The following MATN4 variants were observed in gnomAD, a reference collection of about 807,000 sequenced individuals.
MATN4 encodes the protein matrilin-4.
Under a neutral mutation model 54.6 loss-of-function variants are expected in MATN4, and 40 were observed. That is an observed-to-expected ratio of 0.73 (90% CI 0.57 to 0.95). MATN4 has a LOEUF of 0.95. MATN4 is among the 40% of genes least tolerant of loss of function. The pLI is 0.00. For missense variants in MATN4, 810 were observed against 819.1 expected, an observed-to-expected ratio of 0.99 and a Z score of 0.13; for synonymous variants, 351 against 345.3, an observed-to-expected ratio of 1.02 and a Z score of -0.18.
At position 45,302,838 on chromosome 20, in the gene MATN4, T is replaced by G. The variant is rs555845136; in HGVS notation, c.643+1390A>C. ...TGGCTCACGCCTGTAATCCCAGCGC[T>G]TTGGGAGGCCAAGGCGGGCAGATCA... On this transcript the variant is annotated intron_variant, in intron 3 of 9. Coordinates refer to ENST00000372756, the MANE Select transcript of MATN4 (RefSeq NM_001393530.1). 3.9e-5 allele frequency among the ~76,000 whole-genome samples: 6 copies of G among 152,130 alleles called. No homozygotes were observed. The East Asian group carries it at 5.8e-4, about 15-fold the overall frequency.
chr20:45,307,831 G>A (rs1221315994), intron 1 of MATN4, among the ~76,000 whole-genome samples: 1 of 152,144 alleles, frequency 6.6e-6, no homozygotes, highest in African/African-American at 2.4e-5. Context: ...TTCCTCTGAG[G>A]AGTTAATCCT....
intron 3 of MATN4, among the ~76,000 whole-genome samples, chr20:45,302,785 G>T (rs1199754060): frequency 6.6e-6 from 1 of 150,940 alleles, no homozygotes; most frequent in Non-Finnish European, 1.5e-5. Context: ...GGATGTGCCT[G>T]TAAGAAGACA....
chr20:45,305,479 T>G lies in MATN4; in HGVS notation c.73+31A>C, dbSNP rs369353159. The G allele has an allele frequency of 2.3e-4, 360 of 1,534,266 alleles. 4 individuals are homozygous for G. In the African/African-American group the frequency reaches 4.5e-3, roughly 19 times the overall value. The stretch of plus-strand genomic sequence containing the variant: ...GGAGGACCTGCTTCCGCTCCCCTCC[T>G]CCCACTGGTGAGGGCTGGGCCCCAG... On this transcript the variant is annotated intron_variant, in intron 2 of 9. Coordinates refer to ENST00000372756, the MANE Select transcript of MATN4 (RefSeq NM_001393530.1).
Position 45,301,118 on chromosome 20 carries a change from A to T in MATN4, c.873T>A (p.Asp291Glu). Residue 291 changes from aspartate (D) to glutamate (E), a missense_variant, in exon 5 of 10, where the codon GAT becomes GAA. Transcript: ENST00000372756. ...CCTCCTCACCCTGACAGCTCCTCCC[A>T]TCAGGCTGCAAGTCATGGCCCTCTC... ...HCREGHDLQP[D>E]GRSCQVRDLC... 1 of 1,614,178 alleles carries T rather than the reference A, an allele frequency of 6.2e-7. No individual in the cohort carries two copies. Among genetic ancestry groups the T allele is most frequent in the South Asian group, 1.1e-5 (1 of 91,082 alleles).
Position 45,301,114 on chromosome 20 carries a change from T to C in MATN4, c.877A>G (p.Arg293Gly), listed in dbSNP as rs1259477234. 1.2e-6 allele frequency: 2 copies of C among 1,614,024 alleles called. No individual in the cohort carries two copies. The highest frequency in any genetic ancestry group is 2.7e-5 in the African/African-American group (2 of 74,916). ...GAGCCCTCCTCACCCTGACAGCTCC[T>C]CCCATCAGGCTGCAAGTCATGGCCC... ...REGHDLQPDG[R>G]SCQVRDLCNG... The change falls in exon 5 of 10, where the codon AGG (arginine) becomes GGG (glycine). Residue 293 changes from arginine (R) to glycine (G), a missense_variant. Transcript: ENST00000372756.
In MATN4 at chr20:45,301,174, T is replaced by G; in HGVS notation, c.817A>C (p.Ser273Arg). 1 of 1,614,170 alleles carries G rather than the reference T, an allele frequency of 6.2e-7. No individual in the cohort carries two copies. Among genetic ancestry groups the G allele is most frequent in the Non-Finnish European group, 8.5e-7 (1 of 1,180,026 alleles). ...TGGCACCGTGGCCCACCAGGGGTGC[T>G]AACACACTCATGCTGACAGCTATGG... ...GNHSCQHECV[S>R]TPGGPRCHCR... is the part of the protein sequence containing the mutation. The change falls in exon 5 of 10, where the codon AGC becomes CGC. Residue 273 changes from serine (S) to arginine (R), a missense_variant. Ser to Arg is a moderately radical substitution (Grantham distance 110). Transcript: ENST00000372756.
intron 3 of MATN4, chr20:45,303,263 G>A: frequency 1.6e-6 from 1 of 609,868 alleles, no homozygotes; most frequent in Admixed American, 2.3e-5. Flanking sequence ...TCTTAGGCCT[G>A]TAAAGTGATG....
rs140340294 is a variant in MATN4 at position 45,306,980 on chromosome 20, C to G, written c.-35+1195G>C. 2.5e-4 allele frequency: 311 copies of G among 1,235,386 alleles called. 1 individual carries two copies. The African/African-American group carries it at 4.2e-3, about 17-fold the overall frequency. 76.5% of individuals were successfully genotyped at this position (1,235,386 alleles called of 1,614,324 possible). A position where few individuals can be genotyped will look rare whatever the true frequency, so the allele number is the denominator to read the frequency against. On this transcript the variant is annotated intron_variant, in intron 1 of 9. Coordinates refer to ENST00000372756, the MANE Select transcript of MATN4 (RefSeq NM_001393530.1). The stretch of plus-strand genomic sequence containing the variant: ...ACCCTCCCGAGGCCCCGGAGACGCC[C>G]CGTGAGAACTACGAAGGACCACCCC...
upstream of MATN4, chr20:45,308,384 A>G: frequency 1.6e-6 from 1 of 630,954 alleles, no homozygotes. Flanking sequence ...TCCCACTGGC[A>G]GGGAGGGATC....
Sources: allele counts gnomAD v4.1 joint callset (sites outside exome capture counted in the v4.1 genomes callset), GRCh38; gene constraint gnomAD v4.1.1; transcripts MANE v1.5; gene names NCBI Gene and HGNC (gene_info 2026-07-23, HGNC 2026-07-21).